The following ZNF346 variants were observed in gnomAD, a reference collection of about 807,000 sequenced individuals.
ZNF346 encodes zinc finger protein 346.
Under a neutral mutation model 33.7 loss-of-function variants are expected in ZNF346, and 23 were observed. The ratio of observed to expected loss-of-function variants is 0.68; its 90% CI spans 0.49 to 0.97. The LOEUF (loss-of-function observed/expected upper bound fraction) is 0.97. ZNF346 is among the 50% of genes least tolerant of loss of function. ZNF346 has a pLI of 0.00. For missense variants in ZNF346, 340 were observed against 371.1 expected, an observed-to-expected ratio of 0.92 and a Z score of 0.69; for synonymous variants, 134 against 142.4, an observed-to-expected ratio of 0.94 and a Z score of 0.42.
chr5:177,032,006 T>C lies in ZNF346; in HGVS notation c.175+9093T>C, dbSNP rs1044366519. On this transcript the variant is annotated intron_variant, in intron 1 of 6. Coordinates refer to ENST00000358149, the MANE Select transcript of ZNF346 (RefSeq NM_012279.4). ...CATGCCTTTTCTTTTTTCTTTTTTTTTTTTTTTTTTTTTTTTTTGAGATGG... is the reference window on the plus strand; with the variant it reads ...CATGCCTTTTCTTTTTTCTTTTTTTCTTTTTTTTTTTTTTTTTTGAGATGG... Among the ~76,000 whole-genome samples the C allele has an allele frequency of 7.3e-5, 8 of 109,190 alleles. No individual in the cohort carries two copies. In the South Asian group the frequency reaches 1.2e-3, roughly 16 times the overall value. The allele number at this position is 109,190 out of a possible 152,430, so 71.6% of individuals were successfully genotyped here. A position where few individuals can be genotyped will look rare whatever the true frequency, so the allele number is the denominator to read the frequency against.
intron 1 of ZNF346, among the ~76,000 whole-genome samples, chr5:177,026,545 A>G (rs1475484051): frequency 6.6e-6 from 1 of 151,672 alleles, no homozygotes; most frequent in Non-Finnish European, 1.5e-5. Flanking sequence ...TATTTTTAGT[A>G]GAGACAGAGT....
chr5:177,025,515 A>G (rs965096368), intron 1 of ZNF346, among the ~76,000 whole-genome samples: 7 of 152,198 alleles, frequency 4.6e-5, no homozygotes, highest in African/African-American at 1.7e-4. Context: ...TATTTCTGCC[A>G]TCAGTGTATG....
chr5:177,038,876 T>TTGTGTGTGTGTGTGTGTGTGTG (rs56812954), intron 1 of ZNF346, among the ~76,000 whole-genome samples: 1 of 135,358 alleles, frequency 7.4e-6, no homozygotes, highest in African/African-American at 2.8e-5. Context: ...CTTCTTCTTC[T>TTGTGTGTGTGTGTGTGTGTGTG]TGTGTGTGTG....
chr5:177,031,520 G>A (rs1290600895), intron 1 of ZNF346, among the ~76,000 whole-genome samples: 3 of 151,896 alleles, frequency 2.0e-5, no homozygotes, highest in East Asian at 3.9e-4. Flanking sequence ...CTCTCTCACC[G>A]CTTTCAGGAT....
At chr5:177,080,315 G>A (rs985473185) in exon 9 of ZNF346, 6 of 152,214 alleles carry the variant, frequency 3.9e-5, no homozygotes, top group African/African-American at 1.4e-4. Context: ...TTTTGGGTGG[G>A]TCCCAGGCCC....
chr5:177,073,928 G>C lies in ZNF346; in HGVS notation c.*3-5454G>C, dbSNP rs1235873495. ...CATGACTGTACGACTTCCAAGGTTA[G>C]GACTTAAGTGCTCATGCAGCTTCCG... is the stretch of plus-strand genomic sequence containing the variant. On this transcript the variant is annotated intron_variant, in intron 8 of 8. Transcript: ENST00000503039. Among the ~76,000 whole-genome samples, 3 of 152,100 alleles carry C rather than the reference G, an allele frequency of 2.0e-5. No homozygotes were observed. In the South Asian group the frequency reaches 6.2e-4, roughly 32 times the overall value.
chr5:177,074,893 C>A (rs368686153), intron 8 of ZNF346, among the ~76,000 whole-genome samples: 1 of 151,310 alleles, frequency 6.6e-6, no homozygotes, highest in East Asian at 2.0e-4. Context: ...CGGTGAAACC[C>A]GTCTCTACTA....
chr5:177,044,384 A>G lies in ZNF346; in HGVS notation c.373-5A>G. The G allele has an allele frequency of 6.2e-7, 1 of 1,613,996 alleles. No individual in the cohort carries two copies. The highest frequency in any genetic ancestry group is 8.5e-7 in the Non-Finnish European group (1 of 1,179,998). ...GATCAGACCTGTGTTCTTTCTTCCAACCAGAAGAGCAGCAGAAGCAAAGAC... is the reference window on the plus strand; with the variant it reads ...GATCAGACCTGTGTTCTTTCTTCCAGCCAGAAGAGCAGCAGAAGCAAAGAC... On this transcript the variant is annotated splice_region_variant and splice_polypyrimidine_tract_variant and intron_variant, in intron 3 of 6. Coordinates refer to ENST00000358149, the MANE Select transcript of ZNF346 (RefSeq NM_012279.4).
chr5:177,068,472 G>T (rs1783341149), downstream of ZNF346, among the ~76,000 whole-genome samples: 1 of 143,970 alleles, frequency 6.9e-6, no homozygotes. Context: ...TCTCAGGCAA[G>T]CTCTCTCCAA....
At chr5:177,060,398 G>C (rs979053416) in intron 5 of ZNF346, among the ~76,000 whole-genome samples, 5 of 151,828 alleles carry the variant, frequency 3.3e-5, no homozygotes, top group African/African-American at 1.2e-4. Context: ...GTGCACGCCT[G>C]TAATGCCAGC....
chr5:177,042,298 C>G (rs1779430244), intron 3 of ZNF346: 1 of 154,946 alleles, frequency 6.5e-6, no homozygotes, highest in African/African-American at 2.4e-5. Flanking sequence ...GAACACCTTT[C>G]CAAATGTCTG....
intron 5 of ZNF346, among the ~76,000 whole-genome samples, chr5:177,056,328 G>T (rs1249066456): frequency 6.6e-6 from 1 of 152,196 alleles, no homozygotes; most frequent in Admixed American, 6.5e-5. Flanking sequence ...TGGTGGGACT[G>T]TAAACTAGTT....
intron 4 of ZNF346, among the ~76,000 whole-genome samples, chr5:177,046,455 A>G (rs1190782643): frequency 6.6e-6 from 1 of 152,154 alleles, no homozygotes; most frequent in African/African-American, 2.4e-5. Context: ...TTGTTTTTAT[A>G]TAGTTGTGAT....
At chr5:177,048,992 G>GA (rs1780495153) in intron 4 of ZNF346, among the ~76,000 whole-genome samples, 1 of 151,684 alleles carries the variant, frequency 6.6e-6, no homozygotes, top group Non-Finnish European at 1.5e-5. Flanking sequence ...CACCATGTTG[G>GA]CCAGGCTGGT....
chr5:177,023,011 C>T, intron 1 of ZNF346, 98 bp downstream of exon 1: 8 of 1,443,078 alleles, frequency 5.5e-6, no homozygotes, highest in Non-Finnish European at 7.3e-6. Flanking sequence ...GGCCCGCCTC[C>T]TTGCGTGCTG....
intron 5 of ZNF346, among the ~76,000 whole-genome samples, chr5:177,057,670 G>A (rs1167524896): frequency 2.0e-5 from 3 of 151,536 alleles, no homozygotes; most frequent in East Asian, 1.9e-4. Flanking sequence ...CCTGGGAGGC[G>A]GAGATTGTGG....
At chr5:177,039,036 C>T (rs1778983677) in intron 1 of ZNF346, among the ~76,000 whole-genome samples, 1 of 152,008 alleles carries the variant, frequency 6.6e-6, no homozygotes, top group Admixed American at 6.6e-5. Context: ...GGATTACAGG[C>T]ATGCTTCACC....
chr5:177,048,678 G>A (rs1418646628), intron 4 of ZNF346, among the ~76,000 whole-genome samples: 1 of 151,892 alleles, frequency 6.6e-6, no homozygotes, highest in Non-Finnish European at 1.5e-5. Context: ...TCTACTCTCT[G>A]TGCTTTTGAT....
chr5:177,051,129 A>G (rs1317420535), intron 5 of ZNF346, among the ~76,000 whole-genome samples, 193 bp downstream of exon 5: 3 of 148,182 alleles, frequency 2.0e-5, no homozygotes, highest in Non-Finnish European at 3.0e-5. Flanking sequence ...AGTGAATGCC[A>G]TTCCTACTCA....
Sources: gnomAD v4.1 joint callset for allele counts (sites outside exome capture counted in the v4.1 genomes callset) on GRCh38, gnomAD v4.1.1 for gene constraint, MANE v1.5 for transcripts, NCBI Gene and HGNC (gene_info 2026-07-23, HGNC 2026-07-21) for gene names.